Variants in ZHX2 observed in about 807,000 individuals in gnomAD.
The protein encoded by ZHX2 is zinc fingers and homeoboxes protein 2.
In ZHX2, 6 loss-of-function variants were observed where a neutral mutation model predicts 21.9. The ratio of observed to expected loss-of-function variants is 0.27; its 90% CI spans 0.15 to 0.54. The LOEUF is 0.54. ZHX2 is among the 20% of genes least tolerant of loss of function. The probability of loss-of-function intolerance (pLI) is 0.95; values close to 1 mark genes in which losing one functional copy is unlikely to be tolerated. For missense variants in ZHX2, 908 were observed against 1,090.7 expected (o/e 0.83, Z 2.36); for synonymous variants, 434 against 437.1 (o/e 0.99, Z 0.09).
chr8:122,881,265 G>A (rs898942737), intron 2 of ZHX2, among the ~76,000 whole-genome samples: 1 of 152,184 alleles, frequency 6.6e-6, no homozygotes, highest in Non-Finnish European at 1.5e-5. Context: ...GTGAAGATGA[G>A]AGTCTGTATT....
chr8:122,969,084 C>G (rs1722141488), intron 3 of ZHX2, among the ~76,000 whole-genome samples: 2 of 151,738 alleles, frequency 1.3e-5, no homozygotes, highest in African/African-American at 4.8e-5. Flanking sequence ...TTGCTTGAGC[C>G]CAGGAGGTGG....
chr8:122,889,279 T>G (rs1447378891), intron 2 of ZHX2, among the ~76,000 whole-genome samples: 4 of 152,212 alleles, frequency 2.6e-5, no homozygotes, highest in African/African-American at 9.6e-5. Context: ...TAGTTCTATT[T>G]TTAGCTTTTT....
rs545933716 is a variant in ZHX2, at chr8:122,928,901, T to C, written c.-219-22391T>C. Among the ~76,000 whole-genome samples the C allele has an allele frequency of 3.3e-5, 5 of 152,242 alleles. No individual in the cohort carries two copies. In the South Asian group the frequency reaches 1.0e-3, roughly 32 times the overall value. On this transcript the variant is annotated intron_variant, in intron 2 of 3. Transcript: ENST00000314393. ...CATCTTGACTTGGGACAAGGTGAGT[T>C]TTCCATAAAGATAGGACATCCTATT...
At chr8:122,827,168 C>T (rs1035870289) in intron 1 of ZHX2, among the ~76,000 whole-genome samples, 101 of 152,204 alleles carry the variant, frequency 6.6e-4, no homozygotes, top group African/African-American at 2.3e-3. Flanking sequence ...TACAAGTTTG[C>T]GCCACCATGC....
At chr8:122,886,602 G>A (rs902247834) in intron 2 of ZHX2, among the ~76,000 whole-genome samples, 4 of 152,136 alleles carry the variant, frequency 2.6e-5, no homozygotes, top group African/African-American at 9.7e-5. Flanking sequence ...TCTGTACTTC[G>A]TGTCTATTTT....
chr8:122,870,763 G>A lies in ZHX2; in HGVS notation c.-220+7224G>A, dbSNP rs142945768. On this transcript the variant is annotated intron_variant, in intron 2 of 3. Transcript: ENST00000314393. ...TGAGGAGATGGTGGCTGTTCCGATG[G>A]CCCCAGAGAGAAGGAGTGACCCTCT... Among the ~76,000 whole-genome samples, 413 of 151,906 alleles carry A rather than the reference G, an allele frequency of 2.7e-3. 2 individuals are homozygous for A. Among genetic ancestry groups the A allele is most frequent in the African/African-American group, 9.7e-3 (403 of 41,452 alleles).
At chr8:122,849,761 G>A (rs1003425265) in intron 1 of ZHX2, among the ~76,000 whole-genome samples, 2 of 152,170 alleles carry the variant, frequency 1.3e-5, no homozygotes, top group African/African-American at 2.4e-5. Flanking sequence ...CATGGGTTCT[G>A]AGGACTAGGA....
intron 1 of ZHX2, among the ~76,000 whole-genome samples, chr8:122,833,675 C>T (rs1190269855): frequency 6.6e-6 from 1 of 151,904 alleles, no homozygotes; most frequent in Non-Finnish European, 1.5e-5. Flanking sequence ...TGCCTAGGAG[C>T]GGAGTTGGGC....
At chr8:122,836,907 G>T (rs1315543552) in intron 1 of ZHX2, among the ~76,000 whole-genome samples, 1 of 152,146 alleles carries the variant, frequency 6.6e-6, no homozygotes, top group Non-Finnish European at 1.5e-5. Context: ...GCATTCTAAG[G>T]CACAGGATGA....
chr8:122,800,470 T>C (rs16897454), intron 1 of ZHX2, among the ~76,000 whole-genome samples: 9,808 of 152,256 alleles, frequency 0.064, 429 homozygotes, highest in African/African-American at 0.12. Flanking sequence ...CTGGACAGCA[T>C]AGTGGAGCCC....
Position 122,966,933 on chromosome 8 carries a change from G to A in ZHX2, c.*5-6309G>A, listed in dbSNP as rs554046375. On this transcript the variant is annotated intron_variant, in intron 3 of 3. Coordinates refer to ENST00000314393, the MANE Select transcript of ZHX2 (RefSeq NM_014943.5). ...CTAAAGCTATTTCTTCTACTTGTTT[G>A]ATCCTGTTGTTAAAACTTTCCAGTG... is the stretch of plus-strand genomic sequence containing the variant. 3.3e-4 allele frequency among the ~76,000 whole-genome samples: 50 copies of A among 152,176 alleles called. 1 individual carries two copies. Among genetic ancestry groups the A allele is most frequent in the Non-Finnish European group, 2.9e-5 (2 of 68,008 alleles).
At chr8:122,813,057 G>C (rs935229241) in intron 1 of ZHX2, among the ~76,000 whole-genome samples, 5 of 152,102 alleles carry the variant, frequency 3.3e-5, no homozygotes, top group Non-Finnish European at 5.9e-5. Flanking sequence ...TTAGCCGGAC[G>C]TGGCGGCACA....
At chr8:122,807,812 A>T (rs1211883580) in intron 1 of ZHX2, 1 of 152,242 alleles carries the variant, frequency 6.6e-6, no homozygotes, top group African/African-American at 2.4e-5. Flanking sequence ...TGGGAGAAGA[A>T]GTAATTTGCT....
intron 2 of ZHX2, among the ~76,000 whole-genome samples, chr8:122,892,274 A>T (rs1221667327): frequency 6.6e-6 from 1 of 152,106 alleles, no homozygotes; most frequent in Non-Finnish European, 1.5e-5. Context: ...TTTGCATGGA[A>T]TATCTTTTTC....
At chr8:122,916,177 A>G (rs1820597222) in intron 2 of ZHX2, among the ~76,000 whole-genome samples, 1 of 152,166 alleles carries the variant, frequency 6.6e-6, no homozygotes, top group Non-Finnish European at 1.5e-5. Flanking sequence ...CTTTCATCTC[A>G]GCTTTGGCCC....
chr8:122,940,289 A>G (rs1458321645), intron 2 of ZHX2, among the ~76,000 whole-genome samples: 1 of 152,202 alleles, frequency 6.6e-6, no homozygotes, highest in Non-Finnish European at 1.5e-5. Context: ...GGCTTTACCT[A>G]TTGAAGGGTA....
intron 1 of ZHX2, among the ~76,000 whole-genome samples, chr8:122,839,130 CT>C (rs1048977983): frequency 2.0e-4 from 30 of 151,148 alleles, no homozygotes; most frequent in African/African-American, 5.6e-4. Flanking sequence ...ACCCTCATTA[CT>C]TTTTTTTTCC....
chr8:122,788,260 A>G (rs60296517), intron 1 of ZHX2, among the ~76,000 whole-genome samples: 8,266 of 152,284 alleles, frequency 0.054, 787 homozygotes, highest in African/African-American at 0.18. Flanking sequence ...AATTCCACTT[A>G]AAAGGTAGGA....
intron 1 of ZHX2, among the ~76,000 whole-genome samples, chr8:122,847,478 C>G (rs988460890): frequency 6.6e-6 from 1 of 152,226 alleles, no homozygotes; most frequent in Non-Finnish European, 1.5e-5. Context: ...GTCATTGAGT[C>G]CAGGTCCCTC....
Sources: gnomAD v4.1 joint callset for allele counts (sites outside exome capture counted in the v4.1 genomes callset) on GRCh38, gnomAD v4.1.1 for gene constraint, MANE v1.5 for transcripts, NCBI Gene and HGNC (gene_info 2026-07-23, HGNC 2026-07-21) for gene names.